The following SHANK2 variants were observed in gnomAD, a reference collection of about 807,000 sequenced individuals.
The protein encoded by SHANK2 is SH3 and multiple ankyrin repeat domains protein 2.
Under a neutral mutation model 133.7 loss-of-function variants are expected in SHANK2, and 43 were observed. The ratio of observed to expected loss-of-function variants is 0.32; its 90% CI spans 0.25 to 0.41. The LOEUF is 0.41. SHANK2 is among the 10% of genes least tolerant of loss of function. The pLI is 1.00. For missense variants in SHANK2, 1,994 were observed against 2,235.8 expected (o/e 0.89, Z 2.18); for synonymous variants, 1,017 against 952.8 (o/e 1.07, Z -1.24).
At chr11:71,210,362 C>T (rs1954247874) in intron 2 of SHANK2, among the ~76,000 whole-genome samples, 1 of 150,542 alleles carries the variant, frequency 6.6e-6, no homozygotes, top group South Asian at 2.1e-4. Context: ...CATTCTCCTG[C>T]CTCAGCCTCC....
intron 11 of SHANK2, among the ~76,000 whole-genome samples, chr11:70,823,807 C>T (rs1354459547): frequency 2.1e-5 from 3 of 142,764 alleles, no homozygotes; most frequent in Admixed American, 7.0e-5. Flanking sequence ...GCAGAGGTGG[C>T]GGTGGCCGAG....
At chr11:71,116,411 C>T (rs543148923) in intron 4 of SHANK2, among the ~76,000 whole-genome samples, 6 of 152,348 alleles carry the variant, frequency 3.9e-5, no homozygotes, top group South Asian at 2.1e-4. Flanking sequence ...AAACTTGGGG[C>T]GTAGCAAGCC....
At chr11:70,768,746 A>G (rs1295770010) in intron 14 of SHANK2, among the ~76,000 whole-genome samples, 2 of 152,066 alleles carry the variant, frequency 1.3e-5, no homozygotes, top group Non-Finnish European at 2.9e-5. Context: ...GAGCCTGGAG[A>G]TGGAGGGAGG....
chr11:70,908,574 C>T (rs2135714658), intron 10 of SHANK2, among the ~76,000 whole-genome samples: 1 of 152,268 alleles, frequency 6.6e-6, no homozygotes, highest in East Asian at 1.9e-4. Flanking sequence ...TCTGGTTGAC[C>T]TTGTCCTTTT....
intron 11 of SHANK2, among the ~76,000 whole-genome samples, chr11:70,834,942 C>T (rs1446883181): frequency 1.3e-5 from 2 of 152,112 alleles, no homozygotes; most frequent in South Asian, 2.1e-4. Context: ...TACTACTCAC[C>T]GGTTTTCTGA....
At chr11:71,215,016 C>T (rs1591027664) in intron 2 of SHANK2, among the ~76,000 whole-genome samples, 1 of 152,210 alleles carries the variant, frequency 6.6e-6, no homozygotes, top group African/African-American at 2.4e-5. Flanking sequence ...GAGGAGCTGG[C>T]TGTGCTGCAG....
chr11:70,851,252 C>T (rs1285190762), intron 11 of SHANK2, among the ~76,000 whole-genome samples: 2 of 152,234 alleles, frequency 1.3e-5, no homozygotes, highest in African/African-American at 4.8e-5. Flanking sequence ...GCTGTTGTAG[C>T]TGGGGCTCCT....
Position 70,500,086 on chromosome 11 carries a change from G to A in SHANK2, c.2308+484C>T, listed in dbSNP as rs2059028687. Among the ~76,000 whole-genome samples the A allele has an allele frequency of 6.6e-6, 1 of 152,140 alleles. No homozygotes were observed. The highest frequency in any genetic ancestry group is 6.5e-5 in the Admixed American group (1 of 15,280). On this transcript the variant is annotated intron_variant, in intron 21 of 25. Coordinates refer to ENST00000601538, the MANE Select transcript of SHANK2 (RefSeq NM_012309.5). The surrounding 1 kb of genome is among the most constrained non-coding windows in gnomAD (Gnocchi z 4.5). ...AGTCTCCCACTCCACACCAGCCCTG[G>A]GTGGGGAGGTGTAGCCAAAGGGCTC...
rs556599315 is a variant in SHANK2, at chr11:70,754,091, C to T, written c.1777+44352G>A. 7.9e-5 allele frequency among the ~76,000 whole-genome samples: 12 copies of T among 152,296 alleles called. No individual in the cohort carries two copies. In the East Asian group the frequency reaches 1.7e-3, roughly 22 times the overall value. ...CCTCCCGAAGTGCTGGGATTACAGG[C>T]GTGAGCCACTACGCCTGACAATTGT... On this transcript the variant is annotated intron_variant, in intron 14 of 25. Coordinates refer to ENST00000601538, the MANE Select transcript of SHANK2 (RefSeq NM_012309.5).
At chr11:70,929,578 G>A (rs766407919) in intron 10 of SHANK2, among the ~76,000 whole-genome samples, 15 of 152,114 alleles carry the variant, frequency 9.9e-5, no homozygotes, top group Non-Finnish European at 2.2e-4. Flanking sequence ...CAGCATGGCA[G>A]CATCTTCAAA....
At chr11:71,073,570 T>A (rs1951178055) in intron 9 of SHANK2, among the ~76,000 whole-genome samples, 1 of 151,408 alleles carries the variant, frequency 6.6e-6, no homozygotes. Flanking sequence ...AGGGCTCAAG[T>A]GATCCTCCCA....
At chr11:71,248,088 C>T (rs1317149239) in intron 1 of SHANK2, among the ~76,000 whole-genome samples, 1 of 152,252 alleles carries the variant, frequency 6.6e-6, no homozygotes, top group Non-Finnish European at 1.5e-5. Flanking sequence ...TCCCTAAACC[C>T]AGGGCAGGCT....
At chr11:71,180,647 G>A (rs550797309) in intron 2 of SHANK2, among the ~76,000 whole-genome samples, 187 of 152,130 alleles carry the variant, frequency 1.2e-3, no homozygotes, top group African/African-American at 4.2e-3. Context: ...TGGCGGGGGC[G>A]GCGGGAATGG....
intron 11 of SHANK2, among the ~76,000 whole-genome samples, chr11:70,834,862 C>T (rs1233372077): frequency 6.6e-6 from 1 of 152,046 alleles, no homozygotes; most frequent in Non-Finnish European, 1.5e-5. Context: ...GAGCGGGCGT[C>T]GGAACCTCCC....
intron 17 of SHANK2, among the ~76,000 whole-genome samples, chr11:70,556,594 T>C (rs1483984034): frequency 1.4e-4 from 4 of 29,394 alleles, no homozygotes; most frequent in Non-Finnish European, 3.3e-4. Flanking sequence ...TTTTTTCTTT[T>C]TTTTTTTTTT....
chr11:70,783,551 T>G (rs140214535), intron 14 of SHANK2, among the ~76,000 whole-genome samples: 2 of 151,764 alleles, frequency 1.3e-5, no homozygotes, highest in African/African-American at 4.8e-5. Context: ...GGCTCACGAG[T>G]GGGCAGAGTC....
chr11:71,149,593 G>A lies in SHANK2; in HGVS notation c.-12-2255C>T, dbSNP rs1440669100. Among the ~76,000 whole-genome samples, 105 of 151,874 alleles carry A rather than the reference G, an allele frequency of 6.9e-4. 1 individual carries two copies. The highest frequency in any genetic ancestry group is 6.8e-3 in the Middle Eastern group (2 of 292). On this transcript the variant is annotated intron_variant, in intron 2 of 25. Transcript: ENST00000601538. ...CTGTCTTATGTCAGCTCAATTTCAG[G>A]GCCCCAGGTAGAGAGGAGGGTAGTA...
intron 6 of SHANK2, among the ~76,000 whole-genome samples, chr11:71,097,235 C>T (rs782773317): frequency 2.0e-5 from 3 of 152,112 alleles, no homozygotes; most frequent in Non-Finnish European, 2.9e-5. Flanking sequence ...GCTTAGCCAC[C>T]ACATTTGCAA....
intron 8 of SHANK2, 44 bp from the exon 9 acceptor site, chr11:71,075,319 C>T (rs1012753831): frequency 3.0e-5 from 5 of 165,138 alleles, no homozygotes; most frequent in Non-Finnish European, 5.3e-5. Flanking sequence ...CCCTCCGCCA[C>T]GACAGCCGCA....
Sources: allele counts gnomAD v4.1 joint callset (sites outside exome capture counted in the v4.1 genomes callset), GRCh38; gene constraint gnomAD v4.1.1; non-coding constraint Gnocchi (gnomAD v3.1); transcripts MANE v1.5; gene names NCBI Gene and HGNC (gene_info 2026-07-23, HGNC 2026-07-21).